Variants in AP1B1 observed in about 807,000 individuals in gnomAD.
The protein encoded by AP1B1 is adaptor related protein complex 1 subunit beta 1, also known as AP-1 complex subunit beta-1.
Under a neutral mutation model 104.3 loss-of-function variants are expected in AP1B1, and 36 were observed. That is an observed-to-expected ratio of 0.35 (90% CI 0.26 to 0.46). The LOEUF is 0.46. AP1B1 is among the 20% of genes least tolerant of loss of function. The probability of loss-of-function intolerance (pLI) is 1.00; values close to 1 mark genes in which losing one functional copy is unlikely to be tolerated. For missense variants in AP1B1, 901 were observed against 1,247.9 expected, an observed-to-expected ratio of 0.72 and a Z score of 4.19; for synonymous variants, 504 against 517.5, an observed-to-expected ratio of 0.97 and a Z score of 0.35.
chr22:29,371,725 C>T (rs1330487634), intron 1 of AP1B1, among the ~76,000 whole-genome samples: 2 of 150,980 alleles, frequency 1.3e-5, no homozygotes, highest in Non-Finnish European at 2.9e-5. Context: ...GAGACTCCGT[C>T]TCAAAAAAAA....
chr22:29,368,311 A>G (rs1432339862), intron 1 of AP1B1, among the ~76,000 whole-genome samples: 1 of 152,078 alleles, frequency 6.6e-6, no homozygotes, highest in East Asian at 1.9e-4. Context: ...AAAAAAAAAG[A>G]CAATAGGACA....
rs888279089 is a variant in AP1B1 at position 29,327,877 on chromosome 22, T to C, written c.*944A>G. ...GTGATTGCCAAAAGCCGAATCTTTC[T>C]TTATTATTACACAGCAGTAACAGGA... On this transcript the variant is annotated 3_prime_UTR_variant, in exon 23 of 23. Coordinates refer to ENST00000357586, the MANE Select transcript of AP1B1 (RefSeq NM_001127.4). 1 of 152,338 alleles carries C rather than the reference T, an allele frequency of 6.6e-6. No individual in the cohort carries two copies. Among genetic ancestry groups the C allele is most frequent in the African/African-American group, 2.4e-5 (1 of 41,414 alleles). 9.4% of individuals were successfully genotyped at this position (152,338 alleles called of 1,614,324 possible).
chr22:29,366,205 C>A (rs543547115), intron 2 of AP1B1, among the ~76,000 whole-genome samples: 4 of 152,278 alleles, frequency 2.6e-5, no homozygotes, highest in Non-Finnish European at 5.9e-5. Context: ...GCAGAAACAA[C>A]CAAAATACCC....
Position 29,330,362 on chromosome 22 carries a change from G to A in AP1B1, c.2766+16C>T. On this transcript the variant is annotated intron_variant, in intron 21 of 22. Coordinates refer to ENST00000357586, the MANE Select transcript of AP1B1 (RefSeq NM_001127.4). ...GGGAGGCTCCAAGGCTGCAGGGCGG[G>A]TGCCGGGGCTCTCACCGTGCAGCTG... The A allele has an allele frequency of 1.9e-6, 3 of 1,612,572 alleles. No individual in the cohort carries two copies. The highest frequency in any genetic ancestry group is 2.5e-6 in the Non-Finnish European group (3 of 1,179,574).
chr22:29,358,688 A>G (rs759753376), intron 5 of AP1B1, 38 bp downstream of exon 5: 29 of 1,589,622 alleles, frequency 1.8e-5, no homozygotes, highest in Non-Finnish European at 2.5e-5. Flanking sequence ...GCAACCCAGG[A>G]GGTGGTGGAG....
intron 11 of AP1B1, among the ~76,000 whole-genome samples, chr22:29,348,508 G>A (rs544990114): frequency 6.6e-6 from 1 of 152,314 alleles, no homozygotes; most frequent in South Asian, 2.1e-4. Context: ...AGTATCCATG[G>A]CCATGAGTTC....
chr22:29,380,665 T>A (rs1287386962), intron 1 of AP1B1, among the ~76,000 whole-genome samples: 1 of 152,156 alleles, frequency 6.6e-6, no homozygotes, highest in Non-Finnish European at 1.5e-5. Context: ...GATTCCGACC[T>A]TCAAAATGAA....
chr22:29,371,847 T>A (rs2062244295), intron 1 of AP1B1, among the ~76,000 whole-genome samples: 2 of 152,200 alleles, frequency 1.3e-5, no homozygotes, highest in South Asian at 4.1e-4. Context: ...ATTCAGAAAC[T>A]GCTCTGGCCA....
At chr22:29,362,238 G>A (rs1331065652) in intron 3 of AP1B1, among the ~76,000 whole-genome samples, 1 of 152,240 alleles carries the variant, frequency 6.6e-6, no homozygotes, top group Non-Finnish European at 1.5e-5. Flanking sequence ...TGACAAATTA[G>A]AGAAATCCAA....
At position 29,359,361 on chromosome 22, in the gene AP1B1, C is replaced by T. The variant is rs143392945; in HGVS notation, c.280-390G>A. ...AGCCTCATTTCCCCATATCCGAGCA[C>T]GGACAGGACTCAGGGGAGCTAAGGT... On this transcript the variant is annotated intron_variant, in intron 4 of 22. Transcript: ENST00000357586. 1.5e-3 allele frequency among the ~76,000 whole-genome samples: 235 copies of T among 152,210 alleles called. 2 individuals carry two copies. The highest frequency in any genetic ancestry group is 3.4e-3 in the Middle Eastern group (1 of 294).
At chr22:29,370,452 C>CA (rs747171000) in intron 1 of AP1B1, 5,544 of 55,736 alleles carry the variant, frequency 0.099, 251 homozygotes, top group East Asian at 0.4. Flanking sequence ...GACTCAGTCT[C>CA]AAAAAAAAAA....
At chr22:29,358,256 T>A (rs2061990552) in intron 5 of AP1B1, among the ~76,000 whole-genome samples, 2 of 152,180 alleles carry the variant, frequency 1.3e-5, no homozygotes, top group African/African-American at 4.8e-5. Context: ...TTCCAGGCTA[T>A]GCTACTTCAA....
Position 29,349,288 on chromosome 22 carries a change from G to A in AP1B1, c.1367C>T (p.Ala456Val), listed in dbSNP as rs1476667715. The A allele has an allele frequency of 3.1e-6, 5 of 1,614,078 alleles. No homozygotes were observed. In the Admixed American group the frequency reaches 5.0e-5, roughly 16 times the overall value. ...CTCATCTGCGTTGTCGATCCGTTCC[G>A]CGTACTCGCCCACAATCCAGATCAT... Reference protein sequence around the residue: ...AAMIWIVGEYAERIDNADELL... With the variant: ...AAMIWIVGEYVERIDNADELL... The change falls in exon 11 of 23, where the codon GCG becomes GTG. Residue 456 changes from alanine to valine, a missense_variant. By Grantham distance (64) the Ala-to-Val change is moderately conservative (BLOSUM62 0). This residue lies in a region of AP1B1 where 471 missense variants were observed against 696.7 expected (regional missense o/e 0.68). Transcript: ENST00000357586.
At chr22:29,342,074 A>G (rs753890081) in intron 12 of AP1B1, among the ~76,000 whole-genome samples, 2 of 152,188 alleles carry the variant, frequency 1.3e-5, no homozygotes, top group South Asian at 2.1e-4. Context: ...GTTTGTCTCA[A>G]CTTCACTACT....
intron 1 of AP1B1, among the ~76,000 whole-genome samples, chr22:29,375,348 A>G (rs143478607): frequency 2.4e-5 from 2 of 84,544 alleles, no homozygotes; most frequent in African/African-American, 1.4e-4. Context: ...AGATTCCATC[A>G]CAAAAAAAAA....
chr22:29,380,323 C>T lies in AP1B1; in HGVS notation c.-28+8101G>A, dbSNP rs567559085. Among the ~76,000 whole-genome samples the T allele has an allele frequency of 1.6e-3, 241 of 152,258 alleles. 7 individuals are homozygous for T. In the South Asian group the frequency reaches 0.049, roughly 31 times the overall value. On this transcript the variant is annotated intron_variant, in intron 1 of 22. Transcript: ENST00000357586. ...GCTCAGGCCTGGTACCTCTTCTCTT[C>T]CCCATCTATGCTATTTTGCCTCTTT... is the stretch of plus-strand genomic sequence containing the variant.
At chr22:29,334,500 C>G (rs1229831695) in intron 16 of AP1B1, 90 bp from the exon 17 acceptor site, 13 of 1,435,516 alleles carry the variant, frequency 9.1e-6, no homozygotes, top group Non-Finnish European at 1.2e-5. Context: ...TTTTCTCTCT[C>G]TCTCCTGCAG....
rs1602732080 is a variant in AP1B1, at chr22:29,351,715, T to C, written c.1049A>G (p.Asn350Ser). ...TCACACGCAGCTGACCTGGGCGATGTTGGCCTGAGAGGCCAGGCGGATCAT... is the reference window on the plus strand; with the variant it reads ...TCACACGCAGCTGACCTGGGCGATGCTGGCCTGAGAGGCCAGGCGGATCAT... ...DIMIRLASQA[N>S]IAQVLAELKE... Residue 350 changes from asparagine (N) to serine (S), a missense_variant, in exon 8 of 23, where the codon AAC (asparagine) becomes AGC (serine). By Grantham distance (46) the Asn-to-Ser change is conservative. This residue lies in a region of AP1B1 where 471 missense variants were observed against 696.7 expected (regional missense o/e 0.68). Transcript: ENST00000357586. 2 of 1,614,006 alleles carry C rather than the reference T, an allele frequency of 1.2e-6. No homozygotes were observed. The highest frequency in any genetic ancestry group is 2.7e-5 in the African/African-American group (2 of 75,052).
intron 22 of AP1B1, chr22:29,329,410 C>A: frequency 7.8e-7 from 1 of 1,289,920 alleles, no homozygotes; most frequent in South Asian, 2.2e-5. Context: ...AGAGAGGAGC[C>A]CCCACCCATC....
Sources: gnomAD v4.1 joint callset for allele counts (sites outside exome capture counted in the v4.1 genomes callset) on GRCh38, gnomAD v4.1.1 for gene constraint, gnomAD v4.1.1 regional missense constraint, MANE v1.5 for transcripts, NCBI Gene and HGNC (gene_info 2026-07-23, HGNC 2026-07-21) for gene names.